The following ATP8A2 variants were observed in gnomAD, a reference collection of about 807,000 sequenced individuals.
ATP8A2 encodes ATPase phospholipid transporting 8A2.
Under a neutral mutation model 165.6 loss-of-function variants are expected in ATP8A2, and 100 were observed. That is an observed-to-expected ratio of 0.60 (90% CI 0.51 to 0.71). The LOEUF (loss-of-function observed/expected upper bound fraction) is 0.71. ATP8A2 is among the 30% of genes least tolerant of loss of function. The pLI is 0.00. For synonymous variants in ATP8A2, 543 were observed against 548.8 expected, an observed-to-expected ratio of 0.99 and a Z score of 0.15; for missense variants, 1,227 against 1,479.5, an observed-to-expected ratio of 0.83 and a Z score of 2.80.
intron 27 of ATP8A2, among the ~76,000 whole-genome samples, chr13:25,789,113 A>G (rs1464358707): frequency 6.6e-6 from 1 of 152,196 alleles, no homozygotes; most frequent in African/African-American, 2.4e-5. Context: ...AATCATAGAT[A>G]TATAGATCTT....
intron 33 of ATP8A2, among the ~76,000 whole-genome samples, chr13:25,952,789 T>C (rs1420061849): frequency 6.6e-6 from 1 of 152,164 alleles, no homozygotes; most frequent in African/African-American, 2.4e-5. Context: ...GCCAAGCCTT[T>C]AGAGGGGAGC....
At chr13:25,667,966 TTTATG>T (rs2042187869) in intron 24 of ATP8A2, among the ~76,000 whole-genome samples, 1 of 152,190 alleles carries the variant, frequency 6.6e-6, no homozygotes, top group Non-Finnish European at 1.5e-5. Context: ...CTGTTCCCCC[TTTATG>T]TTATTTTTAC....
At chr13:25,589,937 G>A (rs1244702380) in intron 24 of ATP8A2, among the ~76,000 whole-genome samples, 1 of 152,076 alleles carries the variant, frequency 6.6e-6, no homozygotes, top group African/African-American at 2.4e-5. Context: ...CTAGAATTGT[G>A]CATTTAAAAT....
At chr13:25,438,804 C>T (rs528232170) in intron 1 of ATP8A2, among the ~76,000 whole-genome samples, 1 of 152,256 alleles carries the variant, frequency 6.6e-6, no homozygotes, top group Non-Finnish European at 1.5e-5. Context: ...TTTCATTTCA[C>T]TTTAGACCTT....
At chr13:25,605,535 G>T (rs2040493252) in intron 24 of ATP8A2, among the ~76,000 whole-genome samples, 1 of 151,966 alleles carries the variant, frequency 6.6e-6, no homozygotes, top group African/African-American at 2.4e-5. Flanking sequence ...TAAATTTTTG[G>T]CTCTTTTAAT....
chr13:25,515,615 T>C (rs1268057024), intron 2 of ATP8A2, among the ~76,000 whole-genome samples: 2 of 152,266 alleles, frequency 1.3e-5, no homozygotes, highest in African/African-American at 4.8e-5. Flanking sequence ...ATTCCATTCC[T>C]AGTTGTGTGT....
rs1957114274 is a variant in ATP8A2, at chr13:26,023,409, G to A, written c.*3424G>A. ...GTTGACATTTTCTTTCCCTTGACAAGGCTTCAGGTTCGTCTCACTATAGGG... is the reference window on the plus strand; with the variant it reads ...GTTGACATTTTCTTTCCCTTGACAAAGCTTCAGGTTCGTCTCACTATAGGG... On this transcript the variant is annotated 3_prime_UTR_variant, in exon 37 of 37. Coordinates refer to ENST00000381655, the MANE Select transcript of ATP8A2 (RefSeq NM_016529.6). 6.6e-6 allele frequency: 1 copy of A among 152,166 alleles called. No homozygotes were observed. The highest frequency in any genetic ancestry group is 1.5e-5 in the Non-Finnish European group (1 of 68,038). 9.4% of individuals were successfully genotyped at this position (152,166 alleles called of 1,614,324 possible).
chr13:25,802,208 C>A (rs1478165689), intron 27 of ATP8A2, among the ~76,000 whole-genome samples: 1 of 152,140 alleles, frequency 6.6e-6, no homozygotes, highest in Non-Finnish European at 1.5e-5. Context: ...CATCTTAGAA[C>A]TTGTCTTTAC....
intron 2 of ATP8A2, among the ~76,000 whole-genome samples, chr13:25,493,768 C>G (rs1199112515): frequency 6.6e-6 from 1 of 152,036 alleles, no homozygotes; most frequent in East Asian, 1.9e-4. Context: ...AGACCAAAGG[C>G]AGAAAACCTC....
At chr13:26,010,086 A>G (rs1197399794) in intron 35 of ATP8A2, among the ~76,000 whole-genome samples, 1 of 152,146 alleles carries the variant, frequency 6.6e-6, no homozygotes, top group African/African-American at 2.4e-5. Context: ...GAAAAAAATT[A>G]ATTATAAAAA....
At chr13:25,410,365 T>A (rs1320804379) in intron 1 of ATP8A2, among the ~76,000 whole-genome samples, 1 of 152,218 alleles carries the variant, frequency 6.6e-6, no homozygotes, top group African/African-American at 2.4e-5. Context: ...AAAGCCCCAG[T>A]GGCATCTATT....
rs1266943446 is a variant in ATP8A2 at position 25,372,076 on chromosome 13, C to G, written c.-137C>G. 16 of 482,084 alleles carry G rather than the reference C, an allele frequency of 3.3e-5. No homozygotes were observed. The highest frequency in any genetic ancestry group is 4.9e-5 in the Non-Finnish European group (16 of 323,536). 29.9% of individuals were successfully genotyped at this position (482,084 alleles called of 1,614,324 possible). A position where few individuals can be genotyped will look rare whatever the true frequency, so the allele number is the denominator to read the frequency against. On this transcript the variant is annotated 5_prime_UTR_variant, in exon 1 of 37. Transcript: ENST00000381655. The surrounding 1 kb of genome is among the most constrained non-coding windows in gnomAD (Gnocchi z 4.8). ...AGCCTCGGGCGCGGCCCGGCACAGG[C>G]GCCGGCGGTCCCCGCCAGCTAGCAG... is the stretch of plus-strand genomic sequence containing the variant.
At chr13:25,759,283 A>G (rs2044330052) in intron 25 of ATP8A2, among the ~76,000 whole-genome samples, 1 of 152,168 alleles carries the variant, frequency 6.6e-6, no homozygotes, top group South Asian at 2.1e-4. Flanking sequence ...TGATGGGTGA[A>G]GGGCAGACCT....
chr13:25,480,097 C>T lies in ATP8A2; in HGVS notation c.221+10976C>T, dbSNP rs867375572. Among the ~76,000 whole-genome samples the T allele has an allele frequency of 6.1e-3, 919 of 150,870 alleles. 4 individuals are homozygous for T. The highest frequency in any genetic ancestry group is 0.011 in the African/African-American group (453 of 41,014). On this transcript the variant is annotated intron_variant, in intron 2 of 36. Coordinates refer to ENST00000381655, the MANE Select transcript of ATP8A2 (RefSeq NM_016529.6). ...GCAGAGGCGCCCCTCACCTCCCGGA[C>T]GGGGCGGCTGGCCGGGCGGGGGGCT...
In ATP8A2 at chr13:25,468,616, C is replaced by T. The variant is rs550954536; in HGVS notation, c.77-361C>T. ...GGTGCCGCTGGCCTTGGCGCCCCCG[C>T]CGTCCCCGCGCGGTCGCCCACCCCG... On this transcript the variant is annotated intron_variant, in intron 1 of 36. Coordinates refer to ENST00000381655, the MANE Select transcript of ATP8A2 (RefSeq NM_016529.6). 3.3e-3 allele frequency among the ~76,000 whole-genome samples: 500 copies of T among 152,270 alleles called. 5 individuals carry two copies. The highest frequency in any genetic ancestry group is 0.011 in the African/African-American group (474 of 41,584).
intron 35 of ATP8A2, among the ~76,000 whole-genome samples, chr13:26,011,840 TG>T (rs1435778003): frequency 6.6e-6 from 1 of 151,920 alleles, no homozygotes; most frequent in African/African-American, 2.4e-5. Flanking sequence ...GAGGCTGAGG[TG>T]GGAGAGTTGC....
chr13:25,893,801 G>A (rs368100044), intron 33 of ATP8A2, among the ~76,000 whole-genome samples: 38 of 152,274 alleles, frequency 2.5e-4, no homozygotes, highest in South Asian at 1.2e-3. Context: ...CTGATGGCCA[G>A]TGATGATGAG....
chr13:25,642,343 T>C (rs2041548611), intron 24 of ATP8A2, among the ~76,000 whole-genome samples: 1 of 152,000 alleles, frequency 6.6e-6, no homozygotes, highest in African/African-American at 2.4e-5. Context: ...ATTTTTGCAA[T>C]CTACTCATCT....
intron 16 of ATP8A2, among the ~76,000 whole-genome samples, chr13:25,564,714 GA>G (rs2039260414): frequency 6.6e-6 from 1 of 152,026 alleles, no homozygotes; most frequent in South Asian, 2.1e-4. Context: ...TTCTATAAGG[GA>G]AAAATTGTAT....
Sources: allele counts gnomAD v4.1 joint callset (sites outside exome capture counted in the v4.1 genomes callset), GRCh38; gene constraint gnomAD v4.1.1; non-coding constraint Gnocchi (gnomAD v3.1); transcripts MANE v1.5; gene names NCBI Gene and HGNC (gene_info 2026-07-23, HGNC 2026-07-21).